The following KCND2 variants were observed in gnomAD, a reference collection of about 807,000 sequenced individuals.
KCND2 encodes the protein A-type voltage-gated potassium channel KCND2.
KCND2 carries 16 observed loss-of-function variants against 54.4 expected under a neutral mutation model. The observed-to-expected ratio is 0.29, with a 90% CI of 0.20 to 0.45. The LOEUF is 0.45. KCND2 is among the 20% of genes least tolerant of loss of function. KCND2 has a pLI of 1.00. For missense variants in KCND2, 486 were observed against 824.2 expected, an observed-to-expected ratio of 0.59 and a Z score of 5.02; for synonymous variants, 317 against 310.7, an observed-to-expected ratio of 1.02 and a Z score of -0.21.
rs1056562862 is a variant in KCND2 at position 120,589,990 on chromosome 7, C to T, written c.1116-142913C>T. ...TTGTATTCCTTAATTTTCACAAAGG[C>T]TCGTTATTTCCTTTTTTTGTTTTTG... On this transcript the variant is annotated intron_variant, in intron 1 of 5. Transcript: ENST00000331113. 2.6e-5 allele frequency among the ~76,000 whole-genome samples: 4 copies of T among 152,210 alleles called. No individual in the cohort carries two copies. The East Asian group carries it at 7.7e-4, about 29-fold the overall frequency.
chr7:120,558,728 G>A (rs1007040986), intron 1 of KCND2, among the ~76,000 whole-genome samples: 1 of 152,014 alleles, frequency 6.6e-6, no homozygotes, highest in Admixed American at 6.6e-5. Context: ...TTTATAGGTG[G>A]GATAATTTGG....
At chr7:120,306,118 G>A (rs1262719293) in intron 1 of KCND2, among the ~76,000 whole-genome samples, 2 of 151,966 alleles carry the variant, frequency 1.3e-5, no homozygotes, top group East Asian at 3.9e-4. Flanking sequence ...TCTCTAGCTG[G>A]ATCCTCCACC....
intron 1 of KCND2, among the ~76,000 whole-genome samples, chr7:120,717,219 C>G (rs756724963): frequency 9.2e-5 from 14 of 152,040 alleles, no homozygotes; most frequent in Non-Finnish European, 1.5e-4. Context: ...GGATCAAATG[C>G]TTCGAGTGAT....
At chr7:120,479,962 C>CAAAAAAAA (rs35246643) in intron 1 of KCND2, among the ~76,000 whole-genome samples, 4 of 68,864 alleles carry the variant, frequency 5.8e-5, no homozygotes, top group African/African-American at 1.1e-4. Context: ...GTAAGACTGT[C>CAAAAAAAA]AAAAAAAAAA....
intron 1 of KCND2, among the ~76,000 whole-genome samples, chr7:120,447,710 A>T (rs1340565254): frequency 6.6e-6 from 1 of 152,208 alleles, no homozygotes; most frequent in Non-Finnish European, 1.5e-5. Context: ...TCAGTCTATA[A>T]ATATGACATT....
At chr7:120,290,722 C>T (rs1011840297) in intron 1 of KCND2, among the ~76,000 whole-genome samples, 1 of 151,926 alleles carries the variant, frequency 6.6e-6, no homozygotes, top group Non-Finnish European at 1.5e-5. Context: ...AAGAGCTACA[C>T]ATATATGGAA....
intron 1 of KCND2, among the ~76,000 whole-genome samples, chr7:120,587,162 T>C (rs557520623): frequency 6.6e-6 from 1 of 152,282 alleles, no homozygotes; most frequent in South Asian, 2.1e-4. Flanking sequence ...AATGCTCATG[T>C]CTTCTTTGGT....
At chr7:120,384,612 A>G (rs1800961859) in intron 1 of KCND2, among the ~76,000 whole-genome samples, 1 of 152,156 alleles carries the variant, frequency 6.6e-6, no homozygotes, top group Non-Finnish European at 1.5e-5. Flanking sequence ...CTGGATCTAA[A>G]TATCTTTTAC....
chr7:120,571,891 A>G (rs1248201479), intron 1 of KCND2, among the ~76,000 whole-genome samples: 1 of 152,218 alleles, frequency 6.6e-6, no homozygotes, highest in Non-Finnish European at 1.5e-5. Context: ...CTTTTCTATA[A>G]TATCATTTAA....
intron 1 of KCND2, among the ~76,000 whole-genome samples, chr7:120,509,731 A>G (rs1441574687): frequency 1.3e-5 from 2 of 152,162 alleles, no homozygotes; most frequent in African/African-American, 2.4e-5. Context: ...CAACTGAAAC[A>G]GAGTTTTCCG....
chr7:120,646,573 A>G (rs1793444907), intron 1 of KCND2, among the ~76,000 whole-genome samples: 1 of 152,228 alleles, frequency 6.6e-6, no homozygotes, highest in African/African-American at 2.4e-5. Context: ...GGCAACATGC[A>G]GTGAAAAGGT....
intron 1 of KCND2, among the ~76,000 whole-genome samples, chr7:120,664,460 AGAAAT>A (rs1334223560): frequency 6.6e-6 from 1 of 152,144 alleles, no homozygotes; most frequent in African/African-American, 2.4e-5. Context: ...ATAGGAGAGA[AGAAAT>A]GAAGGGAGGA....
chr7:120,430,559 A>T (rs186345940), intron 1 of KCND2, among the ~76,000 whole-genome samples: 77 of 152,292 alleles, frequency 5.1e-4, no homozygotes, highest in African/African-American at 1.4e-3. Context: ...TATCTTAAAA[A>T]AAAAAAATCT....
intron 1 of KCND2, among the ~76,000 whole-genome samples, chr7:120,371,841 A>G (rs1233280457): frequency 6.6e-6 from 1 of 151,552 alleles, no homozygotes; most frequent in Non-Finnish European, 1.5e-5. Context: ...TAGGCTACAA[A>G]CTCTATGTTT....
rs541964422 is a variant in KCND2, at chr7:120,663,172, C to A, written c.1116-69731C>A. 2.2e-4 allele frequency among the ~76,000 whole-genome samples: 33 copies of A among 152,234 alleles called. 1 individual carries two copies. In the South Asian group the frequency reaches 6.6e-3, roughly 31 times the overall value. ...TTCTTCCTCTTATGCGTTCTTGAAG[C>A]ATTTTCTTAGTACAAATATTATTAC... On this transcript the variant is annotated intron_variant, in intron 1 of 5. Coordinates refer to ENST00000331113, the MANE Select transcript of KCND2 (RefSeq NM_012281.3).
intron 1 of KCND2, among the ~76,000 whole-genome samples, chr7:120,641,855 A>T (rs2116531551): frequency 6.9e-6 from 1 of 144,248 alleles, no homozygotes; most frequent in East Asian, 2.6e-4. Context: ...ATAAAAAGAT[A>T]ATAAAAAAAA....
At position 120,658,614 on chromosome 7, in the gene KCND2, A is replaced by G. The variant is rs551596507; in HGVS notation, c.1116-74289A>G. Among the ~76,000 whole-genome samples the G allele has an allele frequency of 9.3e-4, 142 of 152,304 alleles. 2 individuals carry two copies. Among genetic ancestry groups the G allele is most frequent in the African/African-American group, 3.2e-3 (133 of 41,580 alleles). On this transcript the variant is annotated intron_variant, in intron 1 of 5. Coordinates refer to ENST00000331113, the MANE Select transcript of KCND2 (RefSeq NM_012281.3). ...ACATGAAAATGAAATCATTATCCAC[A>G]TCAGCAGCACCATCATAGACACCAA...
At chr7:120,503,736 T>G (rs944566158) in intron 1 of KCND2, among the ~76,000 whole-genome samples, 9 of 151,990 alleles carry the variant, frequency 5.9e-5, no homozygotes, top group African/African-American at 2.2e-4. Flanking sequence ...AGATTCTAGA[T>G]GTTCATACAT....
chr7:120,483,492 G>A (rs530317451), intron 1 of KCND2, among the ~76,000 whole-genome samples: 2 of 152,300 alleles, frequency 1.3e-5, no homozygotes, highest in South Asian at 4.1e-4. Context: ...AGTCTGCAAA[G>A]AGAAATCAGA....
Sources: gnomAD v4.1 joint callset for allele counts (sites outside exome capture counted in the v4.1 genomes callset) on GRCh38, gnomAD v4.1.1 for gene constraint, MANE v1.5 for transcripts, NCBI Gene and HGNC (gene_info 2026-07-23, HGNC 2026-07-21) for gene names.